The following ZC3H11A variants were observed in gnomAD, a reference collection of about 807,000 sequenced individuals.
The protein encoded by ZC3H11A is zinc finger CCCH domain-containing protein 11A.
In ZC3H11A, 22 loss-of-function variants were observed where a neutral mutation model predicts 90.8. That is an observed-to-expected ratio of 0.24 (90% CI 0.17 to 0.35). The LOEUF (loss-of-function observed/expected upper bound fraction) is 0.35. Ranked by LOEUF, ZC3H11A falls within the 10% of genes least tolerant of loss-of-function variation. The probability of loss-of-function intolerance (pLI) is 1.00; values close to 1 mark genes in which losing one functional copy is unlikely to be tolerated. For missense variants in ZC3H11A, 701 were observed against 964.9 expected, an observed-to-expected ratio of 0.73 and a Z score of 3.62; for synonymous variants, 294 against 339.8, an observed-to-expected ratio of 0.87 and a Z score of 1.48.
intron 2 of ZC3H11A, among the ~76,000 whole-genome samples, chr1:203,805,017 C>G (rs548959086): frequency 2.0e-5 from 3 of 151,588 alleles, no homozygotes; most frequent in African/African-American, 7.3e-5. Context: ...GCCTTTTTTT[C>G]CTTTTGAAAA....
rs144891019 is a variant in ZC3H11A, at chr1:203,847,665, G to A, written c.1524G>A (p.Leu508=). The A allele has an allele frequency of 4.3e-6, 7 of 1,612,256 alleles. No homozygotes were observed. Among genetic ancestry groups the A allele is most frequent in the Non-Finnish European group, 5.9e-6 (7 of 1,179,828 alleles). Residue 508 remains leucine, a synonymous_variant, in exon 13 of 18, where the codon CTG becomes CTA. Transcript: ENST00000367210. ...QHEATPGARR[L]LRITKRTGMK... The stretch of plus-strand genomic sequence containing the variant: ...AGGCCACTCCAGGGGCAAGGCGGCT[G>A]CTGCGAATCACCAAAAGAACAGGTA...
intron 1 of ZC3H11A, chr1:203,796,735 C>G (rs1334845458): frequency 2.9e-6 from 1 of 339,142 alleles, no homozygotes. Context: ...AAAAGCTTCT[C>G]AAGTCTAAAA....
intron 4 of ZC3H11A, among the ~76,000 whole-genome samples, chr1:203,826,545 C>T (rs1048307332): frequency 1.3e-5 from 2 of 152,102 alleles, no homozygotes; most frequent in Non-Finnish European, 2.9e-5. Context: ...CTGATTCTTC[C>T]ACGTCCCTGA....
chr1:203,822,885 C>G (rs1679245282), intron 4 of ZC3H11A, among the ~76,000 whole-genome samples: 1 of 152,190 alleles, frequency 6.6e-6, no homozygotes, highest in South Asian at 2.1e-4. Context: ...TCAACCCCAT[C>G]TAATGACTTT....
intron 8 of ZC3H11A, 98 bp downstream of exon 8, chr1:203,830,301 T>A (rs1251797176): frequency 7.7e-6 from 7 of 914,102 alleles, no homozygotes; most frequent in Non-Finnish European, 1.2e-5. Context: ...AAATAGATTT[T>A]CATTTCCATG....
chr1:203,837,147 T>C (rs56064452), intron 10 of ZC3H11A, among the ~76,000 whole-genome samples: 17,060 of 151,708 alleles, frequency 0.11, 1,341 homozygotes, highest in Admixed American at 0.24. Context: ...ATACAAAAAT[T>C]AACCAGGCAT....
At chr1:203,811,209 G>A (rs1172655969) in intron 2 of ZC3H11A, among the ~76,000 whole-genome samples, 1 of 151,664 alleles carries the variant, frequency 6.6e-6, no homozygotes, top group Non-Finnish European at 1.5e-5. Context: ...TTGGGAGGCT[G>A]AGGCAGGCGA....
intron 2 of ZC3H11A, among the ~76,000 whole-genome samples, chr1:203,811,608 A>G (rs1383408854): frequency 2.6e-5 from 4 of 152,046 alleles, no homozygotes; most frequent in African/African-American, 9.7e-5. Context: ...CCCTGGATTC[A>G]AGCGATTCTT....
At chr1:203,805,729 A>G (rs1338782974) in intron 2 of ZC3H11A, 5 of 664,660 alleles carry the variant, frequency 7.5e-6, no homozygotes, top group African/African-American at 3.6e-5. Flanking sequence ...TGGCTCATCT[A>G]AATAGAACTC....
intron 5 of ZC3H11A, 184 bp from the exon 6 acceptor site, chr1:203,829,267 G>C: frequency 1.6e-6 from 1 of 626,552 alleles, no homozygotes; most frequent in Non-Finnish European, 2.8e-6. Flanking sequence ...TGGAGAGTTA[G>C]TGGAGAGTTA....
rs1158783265 is a variant in ZC3H11A at position 203,796,119 on chromosome 1, G to C, written c.-1588+325G>C. 12 of 185,466 alleles carry C rather than the reference G, an allele frequency of 6.5e-5. No homozygotes were observed. The Admixed American group carries it at 7.9e-4, about 12-fold the overall frequency. The allele number at this position is 185,466 out of a possible 1,614,324, so 11.5% of individuals were successfully genotyped here. A position where few individuals can be genotyped will look rare whatever the true frequency, so the allele number is the denominator to read the frequency against. On this transcript the variant is annotated intron_variant, in intron 1 of 17. Transcript: ENST00000367210. ...CCCACATCCGGTGTTCGCTAATCTC[G>C]AGGAGCCCGGAGCAGCCCCGAAAAC...
In ZC3H11A at chr1:203,852,317, A is replaced by T; in HGVS notation, c.2351A>T (p.Lys784Ile). 1.2e-6 allele frequency: 2 copies of T among 1,613,802 alleles called. No individual in the cohort carries two copies. Among genetic ancestry groups the T allele is most frequent in the Non-Finnish European group, 1.7e-6 (2 of 1,179,850 alleles). ...CTAATATGGGAGATTTCAGGAGGCA[A>T]ATTGGAAGCTGAGATTGACCTGGAT... is the stretch of plus-strand genomic sequence containing the variant. The part of the protein sequence containing the change: ...EKLIWEISGG[K>I]LEAEIDLDPG... Residue 784 changes from lysine (K) to isoleucine (I), a missense_variant, in exon 18 of 18, where the codon AAA becomes ATA. Around this residue, in one of 4 missense-constraint regions of ZC3H11A, gnomAD observed 21 missense variants for 49.1 expected, o/e 0.43. Coordinates refer to ENST00000367210, the MANE Select transcript of ZC3H11A (RefSeq NM_001376342.1).
chr1:203,848,337 A>G lies in ZC3H11A; in HGVS notation c.1553A>G (p.Lys518Arg). 1 of 1,612,636 alleles carries G rather than the reference A, an allele frequency of 6.2e-7. No homozygotes were observed. The highest frequency in any genetic ancestry group is 2.2e-5 in the East Asian group (1 of 44,778). Residue 518 changes from lysine to arginine, a missense_variant, in exon 14 of 18, where the codon AAA becomes AGA. By Grantham distance (26) the Lys-to-Arg change is conservative (BLOSUM62 2). Transcript: ENST00000367210. ...LLRITKRTGM[K>R]EEKNLQEGNE... Reference sequence around the variant, plus strand: ...GTCTTTAATGTGAATACAGGGATGAAAGAAGAGAAGAACCTTCAGGAAGGA... The same window carrying G: ...GTCTTTAATGTGAATACAGGGATGAGAGAAGAGAAGAACCTTCAGGAAGGA...
At chr1:203,850,780 C>T (rs757670729) in intron 16 of ZC3H11A, 99 bp downstream of exon 16, 6 of 1,466,200 alleles carry the variant, frequency 4.1e-6, no homozygotes, top group African/African-American at 2.8e-5. Context: ...ATATCACTTC[C>T]TGGCATTTCC....
intron 12 of ZC3H11A, among the ~76,000 whole-genome samples, chr1:203,845,181 T>TG (rs1241221529): frequency 2.0e-5 from 3 of 152,226 alleles, no homozygotes; most frequent in Non-Finnish European, 4.4e-5. Flanking sequence ...TAGAAATTCT[T>TG]CAAGATGTAT....
chr1:203,848,663 G>A (rs57389642), intron 14 of ZC3H11A, among the ~76,000 whole-genome samples: 1 of 152,136 alleles, frequency 6.6e-6, no homozygotes, highest in Non-Finnish European at 1.5e-5. Context: ...TGAGGCGGGC[G>A]GATCACGAGG....
At chr1:203,834,364 T>G (rs927512196) in intron 10 of ZC3H11A, among the ~76,000 whole-genome samples, 1 of 152,168 alleles carries the variant, frequency 6.6e-6, no homozygotes, top group Admixed American at 6.6e-5. Context: ...CTCCACCTCC[T>G]GGACTCAAGT....
chr1:203,814,723 T>C (rs1675676997), intron 2 of ZC3H11A, among the ~76,000 whole-genome samples: 1 of 152,218 alleles, frequency 6.6e-6, no homozygotes, highest in Admixed American at 6.5e-5. Context: ...TGCTTACATA[T>C]TTTTAGATTT....
intron 1 of ZC3H11A, chr1:203,797,668 CAGA>C (rs1457979525): frequency 2.2e-5 from 34 of 1,535,818 alleles, no homozygotes; most frequent in East Asian, 4.9e-5. Flanking sequence ...AAGATGGTAG[CAGA>C]AGGAGTGAAT....
Sources: gnomAD v4.1 joint callset for allele counts (sites outside exome capture counted in the v4.1 genomes callset) on GRCh38, gnomAD v4.1.1 for gene constraint, gnomAD v4.1.1 regional missense constraint, MANE v1.5 for transcripts, NCBI Gene and HGNC (gene_info 2026-07-23, HGNC 2026-07-21) for gene names.